YY1AP1: variants seen among roughly 807,000 people sequenced by gnomAD.
The protein encoded by YY1AP1 is YY1-associated protein 1.
A neutral mutation model predicts 39.9 loss-of-function variants in YY1AP1; 43 were observed. The observed-to-expected ratio is 1.08, with a 90% CI of 0.84 to 1.39. The LOEUF is 1.39. Ranked by LOEUF, YY1AP1 falls within the 40% of genes most tolerant of loss-of-function variation. YY1AP1 has a pLI of 0.00. For synonymous variants in YY1AP1, 292 were observed against 331.3 expected, an observed-to-expected ratio of 0.88 and a Z score of 1.29; for missense variants, 813 against 900.7, an observed-to-expected ratio of 0.90 and a Z score of 1.25.
intron 7 of YY1AP1, among the ~76,000 whole-genome samples, chr1:155,671,626 C>T (rs1649878196): frequency 6.6e-6 from 1 of 152,186 alleles, no homozygotes; most frequent in East Asian, 1.9e-4. Flanking sequence ...CTCTCTCAGC[C>T]TCTCAATTTT....
rs371568365 is a variant in YY1AP1, at chr1:155,674,140, G to A, written c.411+870C>T. On this transcript the variant is annotated intron_variant, in intron 6 of 10. Transcript: ENST00000355499. ...CCCGCCACTGCACTCCAGCCTGGGCGACAGAGCGAGACTCCGTCTCAAAAA... is the reference window on the plus strand; with the variant it reads ...CCCGCCACTGCACTCCAGCCTGGGCAACAGAGCGAGACTCCGTCTCAAAAA... Among the ~76,000 whole-genome samples the A allele has an allele frequency of 6.2e-4, 77 of 124,172 alleles. 1 individual carries two copies. The South Asian group carries it at 0.017, about 27-fold the overall frequency. 81.5% of individuals were successfully genotyped at this position (124,172 alleles called of 152,430 possible). A position where few individuals can be genotyped will look rare whatever the true frequency, so the allele number is the denominator to read the frequency against.
At position 155,672,744 on chromosome 1, in the gene YY1AP1, G is replaced by A. The variant is rs374075904; in HGVS notation, c.412-13C>T. On this transcript the variant is annotated splice_polypyrimidine_tract_variant and intron_variant, in intron 6 of 10. Transcript: ENST00000355499. ...TTCCCAGCTCTTTCTGGGAAAACAC[G>A]ACACAAGGAAGATCTAAGACAATTC... 3.7e-6 allele frequency: 6 copies of A among 1,614,006 alleles called. No individual in the cohort carries two copies. Among genetic ancestry groups the A allele is most frequent in the African/African-American group, 1.3e-5 (1 of 74,884 alleles).
At chr1:155,666,771 G>A (rs1318129114) in intron 9 of YY1AP1, among the ~76,000 whole-genome samples, 1 of 152,066 alleles carries the variant, frequency 6.6e-6, no homozygotes, top group East Asian at 1.9e-4. Context: ...AGGCCGAGGT[G>A]GGCAGATCAC....
chr1:155,672,475 T>C, intron 7 of YY1AP1, 85 bp downstream of exon 7: 1 of 1,593,276 alleles, frequency 6.3e-7, no homozygotes, highest in Non-Finnish European at 8.6e-7. Context: ...CCTAGGCAAG[T>C]ATCCTAGGAA....
chr1:155,688,024 TGA>T (rs984936177), intron 2 of YY1AP1, 45 bp downstream of exon 2: 4 of 1,524,650 alleles, frequency 2.6e-6, no homozygotes, highest in South Asian at 2.5e-5. Flanking sequence ...ATTCAATCGC[TGA>T]GAGAGTGCTT....
intron 2 of YY1AP1, among the ~76,000 whole-genome samples, chr1:155,686,471 T>C (rs573341670): frequency 1.7e-3 from 252 of 152,270 alleles, no homozygotes; most frequent in Middle Eastern, 3.4e-3. Context: ...AATTCCACAC[T>C]GCCTCCCTCA....
In YY1AP1 at chr1:155,688,676, C is replaced by G; in HGVS notation, c.-169G>C. ...ACGCGTACCTTCAGCGGCGCGAGCC[C>G]AAGCCTTCTCCACCTCCTCTTCTCT... is the stretch of plus-strand genomic sequence containing the variant. On this transcript the variant is annotated 5_prime_UTR_variant, in exon 1 of 11. Coordinates refer to ENST00000355499, the MANE Select transcript of YY1AP1 (RefSeq NM_139119.3). 1.3e-6 allele frequency: 2 copies of G among 1,532,194 alleles called. No homozygotes were observed. The highest frequency in any genetic ancestry group is 1.7e-6 in the Non-Finnish European group (2 of 1,145,848). 94.9% of individuals were successfully genotyped at this position (1,532,194 alleles called of 1,614,324 possible). A position where few individuals can be genotyped will look rare whatever the true frequency, so the allele number is the denominator to read the frequency against.
intron 1 of YY1AP1, 118 bp from the exon 2 acceptor site, chr1:155,688,319 T>TGGCGGCGGC: frequency 4.5e-6 from 7 of 1,557,606 alleles, no homozygotes; most frequent in Non-Finnish European, 6.1e-6. Context: ...GAACCCAAAA[T>TGGCGGCGGC]GGCGGCGGCA....
chr1:155,688,943 TC>T, upstream of YY1AP1: 1 of 1,612,630 alleles, frequency 6.2e-7, no homozygotes, highest in Non-Finnish European at 8.5e-7. Context: ...CCTGGGTTCG[TC>T]GCCGCGGCGC....
At chr1:155,672,108 A>G (rs925506549) in intron 7 of YY1AP1, among the ~76,000 whole-genome samples, 1 of 152,204 alleles carries the variant, frequency 6.6e-6, no homozygotes, top group African/African-American at 2.4e-5. Flanking sequence ...GCAAGTCAAC[A>G]TTTCATTCAG....
At chr1:155,671,583 T>A (rs1489844929) in intron 7 of YY1AP1, among the ~76,000 whole-genome samples, 9 of 152,192 alleles carry the variant, frequency 5.9e-5, no homozygotes, top group Non-Finnish European at 1.3e-4. Flanking sequence ...ATAAAAGGAA[T>A]GAGACAATTC....
intron 9 of YY1AP1, among the ~76,000 whole-genome samples, chr1:155,666,905 C>T: frequency 6.6e-6 from 1 of 152,126 alleles, no homozygotes; most frequent in Admixed American, 6.5e-5. Context: ...GAGGCTAAGG[C>T]ATGAAAATTG....
At chr1:155,665,715 C>A (rs1437685329) in intron 9 of YY1AP1, among the ~76,000 whole-genome samples, 2 of 147,498 alleles carry the variant, frequency 1.4e-5, no homozygotes, top group African/African-American at 5.1e-5. Context: ...GAGTTCAAGA[C>A]CAAGACCAAG....
intron 7 of YY1AP1, chr1:155,670,673 G>C: frequency 4.6e-6 from 2 of 436,932 alleles, no homozygotes; most frequent in East Asian, 4.3e-5. Context: ...AATAAAAGTT[G>C]ACTTTTTTTT....
At chr1:155,670,299 T>C in intron 8 of YY1AP1, 21 bp downstream of exon 8, 1 of 1,611,846 alleles carries the variant, frequency 6.2e-7, no homozygotes, top group Non-Finnish European at 8.5e-7. Flanking sequence ...GGATATTTGA[T>C]CCCCCAGAGT....
At chr1:155,676,848 C>A in intron 4 of YY1AP1, 102 bp from the exon 5 acceptor site, 1 of 1,137,882 alleles carries the variant, frequency 8.8e-7, no homozygotes, top group South Asian at 1.3e-5. Context: ...TTTTCATTCC[C>A]TACTAATCCC....
chr1:155,680,391 T>C (rs1651343100), intron 3 of YY1AP1, 25 bp downstream of exon 3: 16 of 1,612,656 alleles, frequency 9.9e-6, no homozygotes, highest in African/African-American at 1.3e-5. Flanking sequence ...CAATCCCATG[T>C]TCTCACTTGA....
At chr1:155,676,849 T>C (rs1650769849) in intron 4 of YY1AP1, 103 bp from the exon 5 acceptor site, 10 of 1,138,476 alleles carry the variant, frequency 8.8e-6, no homozygotes, top group Non-Finnish European at 1.3e-5. Flanking sequence ...TTTCATTCCC[T>C]ACTAATCCCC....
chr1:155,676,999 G>GA (rs1016651157), intron 4 of YY1AP1, among the ~76,000 whole-genome samples: 3 of 152,000 alleles, frequency 2.0e-5, no homozygotes, highest in African/African-American at 4.8e-5. Flanking sequence ...TACAAATGAA[G>GA]AAAAAATTAA....
Sources: allele counts gnomAD v4.1 joint callset (sites outside exome capture counted in the v4.1 genomes callset), GRCh38; gene constraint gnomAD v4.1.1; transcripts MANE v1.5; gene names NCBI Gene and HGNC (gene_info 2026-07-23, HGNC 2026-07-21).